Variants in SLC27A6 observed in about 807,000 individuals in gnomAD.
The protein encoded by SLC27A6 is solute carrier family 27 member 6.
SLC27A6 carries 74 observed loss-of-function variants against 63.9 expected under a neutral mutation model. That is an observed-to-expected ratio of 1.16 (90% CI 0.96 to 1.40). SLC27A6 has a LOEUF of 1.40. SLC27A6 is among the 40% of genes most tolerant of loss of function. The pLI is 0.00. For synonymous variants in SLC27A6, 287 were observed against 260.8 expected (o/e 1.10, Z -0.97); for missense variants, 794 against 732.9 (o/e 1.08, Z -0.96).
At chr5:128,981,803 C>CTTTTCT (rs1554096463) in intron 1 of SLC27A6, among the ~76,000 whole-genome samples, 1 of 146,312 alleles carries the variant, frequency 6.8e-6, no homozygotes, top group Non-Finnish European at 1.5e-5. Flanking sequence ...GAGTTTTTTT[C>CTTTTCT]TTTCTTTTCT....
intron 1 of SLC27A6, among the ~76,000 whole-genome samples, chr5:128,970,331 A>G (rs1271896264): frequency 2.0e-5 from 3 of 152,190 alleles, no homozygotes; most frequent in Non-Finnish European, 4.4e-5. Context: ...TTCAGAAGGA[A>G]TGGTACCAAT....
chr5:128,976,868 A>T (rs1196206863), intron 1 of SLC27A6, among the ~76,000 whole-genome samples: 1 of 152,240 alleles, frequency 6.6e-6, no homozygotes, highest in Non-Finnish European at 1.5e-5. Flanking sequence ...ATAGTTTTTT[A>T]AAGGTCTCTA....
At chr5:129,017,404 T>C (rs1273548275) in intron 5 of SLC27A6, among the ~76,000 whole-genome samples, 1 of 151,960 alleles carries the variant, frequency 6.6e-6, no homozygotes, top group Non-Finnish European at 1.5e-5. Flanking sequence ...AAAGAAAATG[T>C]TACATTAAAA....
intron 6 of SLC27A6, among the ~76,000 whole-genome samples, chr5:129,026,495 T>C (rs1752250300): frequency 6.6e-6 from 1 of 152,130 alleles, no homozygotes; most frequent in South Asian, 2.1e-4. Flanking sequence ...CCCAGAGGAA[T>C]AAACTGTTTT....
intron 9 of SLC27A6, 25 bp from the exon 10 acceptor site, chr5:129,033,081 A>G: frequency 6.5e-7 from 1 of 1,546,854 alleles, no homozygotes; most frequent in Non-Finnish European, 8.8e-7. Context: ...AAATGATTCT[A>G]CTCATCCTGG....
intron 1 of SLC27A6, among the ~76,000 whole-genome samples, chr5:128,973,356 C>T (rs1387254474): frequency 6.6e-6 from 1 of 152,202 alleles, no homozygotes; most frequent in Non-Finnish European, 1.5e-5. Flanking sequence ...GCCTTTTATT[C>T]AGCTATGCCC....
chr5:129,016,121 G>A lies in SLC27A6; in HGVS notation c.1164+42G>A, dbSNP rs540923310. ...CCTTATTAAAGAAATACATCGGTGC[G>A]GTGGCTCATACCTGTAATCCCAACA... On this transcript the variant is annotated intron_variant, in intron 5 of 9. Transcript: ENST00000262462. 120 of 1,423,566 alleles carry A rather than the reference G, an allele frequency of 8.4e-5. 1 individual carries two copies. In the South Asian group the frequency reaches 1.0e-3, roughly 12 times the overall value. The allele number at this position is 1,423,566 out of a possible 1,614,324, so 88.2% of individuals were successfully genotyped here.
chr5:128,998,870 T>A (rs1417869900), intron 4 of SLC27A6, among the ~76,000 whole-genome samples: 3 of 152,208 alleles, frequency 2.0e-5, no homozygotes, highest in African/African-American at 7.2e-5. Context: ...AATGATAAAC[T>A]ATTAGAATTC....
At chr5:129,006,226 C>T (rs758899986) in intron 4 of SLC27A6, among the ~76,000 whole-genome samples, 30 of 151,472 alleles carry the variant, frequency 2.0e-4, no homozygotes, top group Non-Finnish European at 3.5e-4. Context: ...CTACAGGCGC[C>T]AGCCGCCGCG....
chr5:128,971,746 C>T (rs1165712963), intron 1 of SLC27A6, among the ~76,000 whole-genome samples: 2 of 152,124 alleles, frequency 1.3e-5, no homozygotes, highest in South Asian at 2.1e-4. Context: ...TTCTTTGGGA[C>T]ATTTAGTCCA....
intron 5 of SLC27A6, among the ~76,000 whole-genome samples, chr5:129,019,345 A>G (rs1193891201): frequency 6.6e-6 from 1 of 152,034 alleles, no homozygotes; most frequent in Non-Finnish European, 1.5e-5. Context: ...ATACATAGAT[A>G]AAGCTTGAAA....
At chr5:129,007,527 T>TGTTA (rs1429431580) in intron 4 of SLC27A6, among the ~76,000 whole-genome samples, 19 of 151,406 alleles carry the variant, frequency 1.3e-4, no homozygotes, top group Non-Finnish European at 2.4e-4. Flanking sequence ...TTTTAAAAAG[T>TGTTA]GTTAATCTTC....
At chr5:128,974,757 ATAATAT>A (rs1157456054) in intron 1 of SLC27A6, among the ~76,000 whole-genome samples, 1 of 152,216 alleles carries the variant, frequency 6.6e-6, no homozygotes, top group Non-Finnish European at 1.5e-5. Flanking sequence ...ATGGTTAAAG[ATAATAT>A]CATCAGTTAC....
chr5:129,018,974 A>G (rs1376367332), intron 5 of SLC27A6, among the ~76,000 whole-genome samples: 5 of 152,060 alleles, frequency 3.3e-5, no homozygotes, highest in Non-Finnish European at 5.9e-5. Flanking sequence ...TGGTTCAATG[A>G]TTATCTCATA....
chr5:129,023,556 C>T, intron 5 of SLC27A6, 64 bp from the exon 6 acceptor site: 1 of 1,182,422 alleles, frequency 8.5e-7, no homozygotes, highest in Non-Finnish European at 1.2e-6. Flanking sequence ...ATTGCTTGTA[C>T]AAGTAACTAA....
chr5:128,974,350 T>C (rs144468677), intron 1 of SLC27A6, among the ~76,000 whole-genome samples: 26 of 152,368 alleles, frequency 1.7e-4, no homozygotes, highest in African/African-American at 6.0e-4. Context: ...GACTATTTAG[T>C]TGATTGGCTC....
rs368632374 is a variant in SLC27A6 at position 129,012,520 on chromosome 5, A to AT, written c.970-3358dup. On this transcript the variant is annotated intron_variant, in intron 4 of 9. Coordinates refer to ENST00000262462, the MANE Select transcript of SLC27A6 (RefSeq NM_001017372.3). Reference sequence around the variant, plus strand: ...TTCTTTAAACTTCCATGTTCTTATGATTTTTTTCCCGCTTATTCTATCAGT... The same window carrying AT: ...TTCTTTAAACTTCCATGTTCTTATGATTTTTTTTCCCGCTTATTCTATCAGT... Among the ~76,000 whole-genome samples the AT allele has an allele frequency of 1.5e-3, 234 of 152,078 alleles. 1 individual carries two copies. Among genetic ancestry groups the AT allele is most frequent in the African/African-American group, 5.4e-3 (226 of 41,520 alleles).
chr5:128,980,074 G>A (rs1426795650), intron 1 of SLC27A6, among the ~76,000 whole-genome samples: 1 of 152,160 alleles, frequency 6.6e-6, no homozygotes, highest in Non-Finnish European at 1.5e-5. Flanking sequence ...TAAGGACCTG[G>A]ATTCCCAATC....
intron 1 of SLC27A6, among the ~76,000 whole-genome samples, chr5:128,979,388 A>C (rs1307989448): frequency 1.3e-5 from 2 of 152,144 alleles, no homozygotes; most frequent in Non-Finnish European, 2.9e-5. Context: ...AAAAAGAAGA[A>C]GGTTCTTCTA....
Sources: gnomAD v4.1 joint callset for allele counts (sites outside exome capture counted in the v4.1 genomes callset) on GRCh38, gnomAD v4.1.1 for gene constraint, MANE v1.5 for transcripts, NCBI Gene and HGNC (gene_info 2026-07-23, HGNC 2026-07-21) for gene names.